The following TPRG1 variants were observed in gnomAD, a reference collection of about 807,000 sequenced individuals.
The protein encoded by TPRG1 is tumor protein p63-regulated gene 1 protein.
Under a neutral mutation model 29.3 loss-of-function variants are expected in TPRG1, and 29 were observed. The observed-to-expected ratio is 0.99, with a 90% CI of 0.74 to 1.35. TPRG1 has a LOEUF of 1.35. Among genes scored for constraint, TPRG1 ranks in the 40% most tolerant of loss-of-function variants. The pLI is 0.00. For synonymous variants in TPRG1, 130 were observed against 116.8 expected (o/e 1.11, Z -0.73); for missense variants, 327 against 335.0 (o/e 0.98, Z 0.19).
rs1216124085 is a variant in TPRG1 at position 189,018,338 on chromosome 3, T to C, written c.-659-5412T>C. 2.0e-5 allele frequency among the ~76,000 whole-genome samples: 3 copies of C among 150,562 alleles called. No individual in the cohort carries two copies. The Admixed American group carries it at 2.0e-4, about 10-fold the overall frequency. On this transcript the variant is annotated intron_variant, in intron 3 of 10. Transcript: ENST00000433971. ...TGTCCTGAATGGTAATGCCTAGGTT[T>C]TCTTCTGGGGTTTTTATGGTTTTAG... is the stretch of plus-strand genomic sequence containing the variant.
In TPRG1 at chr3:189,024,820, G is replaced by A. The variant is rs535342756; in HGVS notation, c.-463+874G>A. Among the ~76,000 whole-genome samples the A allele has an allele frequency of 1.5e-3, 225 of 152,346 alleles. 2 individuals are homozygous for A. The highest frequency in any genetic ancestry group is 5.1e-3 in the African/African-American group (214 of 41,592). On this transcript the variant is annotated intron_variant, in intron 4 of 10. Coordinates refer to the TPRG1 transcript ENST00000433971. ...AGCAGTCTGGCCACATTTTGATAAAGCATCTGTGCTGTGTTTGGGGATCCC... is the reference window on the plus strand; with the variant it reads ...AGCAGTCTGGCCACATTTTGATAAAACATCTGTGCTGTGTTTGGGGATCCC...
At chr3:189,102,565 G>A (rs1405178973) in intron 1 of TPRG1, among the ~76,000 whole-genome samples, 2 of 152,040 alleles carry the variant, frequency 1.3e-5, no homozygotes, top group African/African-American at 2.4e-5. Flanking sequence ...CTAAATTCAG[G>A]CCCTCATCCC....
chr3:189,210,710 G>A (rs75041604), intron 2 of TPRG1, among the ~76,000 whole-genome samples: 4,122 of 152,284 alleles, frequency 0.027, 210 homozygotes, highest in African/African-American at 0.095. Context: ...AGGAAAATAA[G>A]GCCAAGAGAA....
At chr3:189,136,513 G>A (rs1187612989) in intron 3 of TPRG1, among the ~76,000 whole-genome samples, 3 of 152,170 alleles carry the variant, frequency 2.0e-5, no homozygotes, top group Non-Finnish European at 2.9e-5. Flanking sequence ...GAACCCTCAA[G>A]CAGCTTCTAG....
At position 188,998,347 on chromosome 3, in the gene TPRG1, G is replaced by C. The variant is rs535865068; in HGVS notation, c.-1015-2427G>C. Among the ~76,000 whole-genome samples the C allele has an allele frequency of 2.8e-4, 42 of 152,318 alleles. No homozygotes were observed. The Middle Eastern group carries it at 0.02, about 74-fold the overall frequency. On this transcript the variant is annotated intron_variant, in intron 1 of 10. Transcript: ENST00000433971. ...GAGAAAGTTTAGGGAAAAGAAGAGT[G>C]ACAACTATAAAGTTCCCCAAATGGG...
intron 3 of TPRG1, among the ~76,000 whole-genome samples, chr3:189,146,479 G>C (rs1024985219): frequency 6.6e-6 from 1 of 152,188 alleles, no homozygotes; most frequent in Admixed American, 6.5e-5. Context: ...ATGTTGTTGG[G>C]AGTAGACTTT....
At chr3:189,300,499 G>T (rs942956937) in intron 4 of TPRG1, among the ~76,000 whole-genome samples, 12 of 152,162 alleles carry the variant, frequency 7.9e-5, no homozygotes, top group Non-Finnish European at 1.5e-4. Context: ...AAGTTCTATT[G>T]TGTCTTTTTC....
intron 4 of TPRG1, among the ~76,000 whole-genome samples, chr3:189,043,900 A>G (rs1001941268): frequency 1.3e-5 from 2 of 152,194 alleles, no homozygotes; most frequent in African/African-American, 4.8e-5. Context: ...GATGAGGTCT[A>G]TGAATAACGA....
upstream of TPRG1, among the ~76,000 whole-genome samples, chr3:189,096,152 A>C (rs1181626306): frequency 6.6e-6 from 1 of 152,220 alleles, no homozygotes; most frequent in Non-Finnish European, 1.5e-5. Context: ...GGCTCTGCAT[A>C]CCACACCTCA....
chr3:189,080,447 G>C (rs1350036253), intron 4 of TPRG1, among the ~76,000 whole-genome samples: 1 of 152,142 alleles, frequency 6.6e-6, no homozygotes, highest in Non-Finnish European at 1.5e-5. Context: ...GTAAAATACT[G>C]GCTTGTCTTT....
chr3:189,202,156 G>A (rs534774857), intron 1 of TPRG1, among the ~76,000 whole-genome samples: 4 of 152,168 alleles, frequency 2.6e-5, no homozygotes, highest in African/African-American at 4.8e-5. Context: ...AACATTTACC[G>A]GGGGCCAACT....
intron 3 of TPRG1, among the ~76,000 whole-genome samples, chr3:189,235,618 G>C (rs1739341777): frequency 6.6e-6 from 1 of 152,152 alleles, no homozygotes; most frequent in Non-Finnish European, 1.5e-5. Flanking sequence ...AAGTTTGCTA[G>C]AAGGAAAAAT....
intron 5 of TPRG1, among the ~76,000 whole-genome samples, chr3:189,163,615 G>T (rs958090676): frequency 6.6e-6 from 1 of 152,118 alleles, no homozygotes; most frequent in African/African-American, 2.4e-5. Context: ...GGGGCAACAA[G>T]TTTCCTTGAA....
intron 1 of TPRG1, among the ~76,000 whole-genome samples, chr3:189,203,972 C>T (rs973168931): frequency 4.5e-5 from 6 of 133,640 alleles, no homozygotes; most frequent in East Asian, 2.5e-4. Flanking sequence ...ACCCAGGAGG[C>T]GGAGAATGCA....
chr3:189,051,810 T>A (rs189826740), intron 4 of TPRG1, among the ~76,000 whole-genome samples: 335 of 152,254 alleles, frequency 2.2e-3, no homozygotes, highest in South Asian at 3.5e-3. Context: ...AGCCAACTGA[T>A]CTTCAACAAA....
At chr3:189,222,877 C>T (rs951004086) in intron 3 of TPRG1, among the ~76,000 whole-genome samples, 6 of 152,190 alleles carry the variant, frequency 3.9e-5, no homozygotes, top group Non-Finnish European at 8.8e-5. Context: ...TTGCACTCAT[C>T]CCATTTCCTC....
At position 189,082,303 on chromosome 3, in the gene TPRG1, TGGG is replaced by T. The variant is rs199879422; in HGVS notation, c.-462-44753_-462-44751del. On this transcript the variant is annotated intron_variant, in intron 4 of 10. Transcript: ENST00000433971. ...GAACAGATCATTCAATTAACCTCTC[TGGG>T]CCTTACATGACCCTTGGGAAGATTA... Among the ~76,000 whole-genome samples the T allele has an allele frequency of 1.4e-3, 209 of 152,340 alleles. 1 individual carries two copies. The East Asian group carries it at 0.021, about 16-fold the overall frequency.
At chr3:189,032,382 C>G (rs1713977408) in intron 4 of TPRG1, among the ~76,000 whole-genome samples, 1 of 152,000 alleles carries the variant, frequency 6.6e-6, no homozygotes, top group African/African-American at 2.4e-5. Context: ...TTCTGACATC[C>G]AAAACTGTAT....
chr3:189,172,511 T>G (rs9834801), intron 1 of TPRG1, among the ~76,000 whole-genome samples: 1 of 151,918 alleles, frequency 6.6e-6, no homozygotes, highest in African/African-American at 2.4e-5. Flanking sequence ...AAGATTAGAT[T>G]TGATTCCTTC....
Sources: gnomAD v4.1 joint callset for allele counts (sites outside exome capture counted in the v4.1 genomes callset) on GRCh38, gnomAD v4.1.1 for gene constraint, MANE v1.5 for transcripts, NCBI Gene and HGNC (gene_info 2026-07-23, HGNC 2026-07-21) for gene names.